Variants in RIPK4 observed in about 807,000 individuals in gnomAD.
The protein encoded by RIPK4 is receptor-interacting serine/threonine-protein kinase 4.
RIPK4 carries 17 observed loss-of-function variants against 42.9 expected under a neutral mutation model. That is an observed-to-expected ratio of 0.40 (90% CI 0.27 to 0.59). The LOEUF (loss-of-function observed/expected upper bound fraction) is 0.59, where lower values mean the gene tolerates loss of function less well. RIPK4 is among the 20% of genes least tolerant of loss of function. RIPK4 has a pLI of 0.47. For synonymous variants in RIPK4, 498 were observed against 499.1 expected, an observed-to-expected ratio of 1.00 and a Z score of 0.03; for missense variants, 897 against 1,104.4, an observed-to-expected ratio of 0.81 and a Z score of 2.66.
chr21:41,753,320 C>A (rs2061193911), intron 2 of RIPK4, among the ~76,000 whole-genome samples: 1 of 152,192 alleles, frequency 6.6e-6, no homozygotes, highest in Non-Finnish European at 1.5e-5. Flanking sequence ...GAGATCTCAG[C>A]CTGGTGCTTC....
chr21:41,753,453 C>T (rs1053909176), intron 2 of RIPK4, among the ~76,000 whole-genome samples: 7 of 152,176 alleles, frequency 4.6e-5, no homozygotes, highest in African/African-American at 1.7e-4. Context: ...AAAATGCAAG[C>T]TCGGAATTGA....
chr21:41,747,858 G>C (rs754971502), intron 4 of RIPK4, among the ~76,000 whole-genome samples: 2 of 152,136 alleles, frequency 1.3e-5, no homozygotes, highest in Non-Finnish European at 2.9e-5. Context: ...TTTTGCCTGA[G>C]GTTGCAATTT....
At position 41,766,854 on chromosome 21, in the gene RIPK4, G is replaced by T; in HGVS notation, c.182+6C>A. On this transcript the variant is annotated splice_donor_region_variant and intron_variant, in intron 1 of 7. Transcript: ENST00000332512. ...GCCGCCCCAGCGCCCCGCCCGGGCCGCTCACCTGTCGTCGACGTGCAGGCT... is the reference window on the plus strand; with the variant it reads ...GCCGCCCCAGCGCCCCGCCCGGGCCTCTCACCTGTCGTCGACGTGCAGGCT... 1 of 1,604,610 alleles carries T rather than the reference G, an allele frequency of 6.2e-7. No homozygotes were observed. The highest frequency in any genetic ancestry group is 8.5e-7 in the Non-Finnish European group (1 of 1,176,216).
chr21:41,764,690 C>T lies in RIPK4; in HGVS notation c.182+2170G>A, dbSNP rs573891637. Among the ~76,000 whole-genome samples, 44 of 152,326 alleles carry T rather than the reference C, an allele frequency of 2.9e-4. No individual in the cohort carries two copies. In the Middle Eastern group the frequency reaches 0.01, roughly 35 times the overall value. On this transcript the variant is annotated intron_variant, in intron 1 of 7. Coordinates refer to ENST00000332512, the MANE Select transcript of RIPK4 (RefSeq NM_020639.3). ...CCTTGTGAGACTGCAATGCAACCAG[C>T]TCCTGGAGCACAGTGGGACTGATGT...
At chr21:41,764,250 A>G (rs1443716861) in intron 1 of RIPK4, among the ~76,000 whole-genome samples, 1 of 152,210 alleles carries the variant, frequency 6.6e-6, no homozygotes, top group Non-Finnish European at 1.5e-5. Flanking sequence ...TGCTGTGGCC[A>G]AGGGCCGGCT....
chr21:41,749,278 G>T, intron 3 of RIPK4, 75 bp from the exon 4 acceptor site: 1 of 1,446,974 alleles, frequency 6.9e-7, no homozygotes, highest in Non-Finnish European at 9.7e-7. Flanking sequence ...CACAGCAACA[G>T]GCGTGAAGAC....
intron 3 of RIPK4, among the ~76,000 whole-genome samples, chr21:41,750,492 G>A (rs994474294): frequency 6.6e-6 from 1 of 152,106 alleles, no homozygotes; most frequent in Non-Finnish European, 1.5e-5. Flanking sequence ...AAAGCAGCAG[G>A]TTCTTCCAAC....
intron 1 of RIPK4, 59 bp downstream of exon 1, chr21:41,766,801 C>A (rs2061238557): frequency 1.8e-5 from 28 of 1,536,502 alleles, no homozygotes; most frequent in Non-Finnish European, 2.4e-5. Flanking sequence ...ACCAGAGCAC[C>A]CCGACCCCGA....
chr21:41,754,939 A>T (rs1418755462), intron 2 of RIPK4, among the ~76,000 whole-genome samples: 3 of 152,230 alleles, frequency 2.0e-5, no homozygotes, highest in Non-Finnish European at 4.4e-5. Context: ...AGCGAGAACC[A>T]GAGGCCACCG....
chr21:41,748,704 A>T (rs1317475172), intron 4 of RIPK4, among the ~76,000 whole-genome samples: 4 of 152,250 alleles, frequency 2.6e-5, no homozygotes, highest in African/African-American at 7.2e-5. Flanking sequence ...TTAGCTGGAA[A>T]TACCAGCACA....
At chr21:41,764,827 C>T (rs559977791) in intron 1 of RIPK4, among the ~76,000 whole-genome samples, 1 of 152,238 alleles carries the variant, frequency 6.6e-6, no homozygotes, top group Non-Finnish European at 1.5e-5. Flanking sequence ...GCCACTGCTG[C>T]ACATGGCAAA....
rs184814232 is a variant in RIPK4 at position 41,740,691 on chromosome 21, C to T, written c.*147G>A. On this transcript the variant is annotated 3_prime_UTR_variant, in exon 8 of 8. Transcript: ENST00000332512. ...AGGGGACACTCCGGTCAGCAGCAGC[C>T]GCCTCCTGATGGCACCATGTCACCT... is the stretch of plus-strand genomic sequence containing the variant. 6.0e-5 allele frequency: 48 copies of T among 797,322 alleles called. No individual in the cohort carries two copies. The Admixed American group carries it at 8.4e-4, about 14-fold the overall frequency. The allele number at this position is 797,322 out of a possible 1,614,324, so 49.4% of individuals were successfully genotyped here.
In RIPK4 at chr21:41,745,845, C is replaced by T. The variant is rs199835696; in HGVS notation, c.850G>A (p.Glu284Lys). ...TCATCAGGCTTTTCACACAGGTCCTCGGTTTCAGAAGTAATTTCTTGTGGG... is the reference window on the plus strand; with the variant it reads ...TCATCAGGCTTTTCACACAGGTCCTTGGTTTCAGAAGTAATTTCTTGTGGG... ...PTFQEITSET[E>K]DLCEKPDDEV... Residue 284 changes from glutamate to lysine, a missense_variant, in exon 6 of 8, where the codon GAG becomes AAG. Glu to Lys is a moderately conservative substitution (Grantham distance 56). Coordinates refer to ENST00000332512, the MANE Select transcript of RIPK4 (RefSeq NM_020639.3). 24 of 1,614,118 alleles carry T rather than the reference C, an allele frequency of 1.5e-5. No individual in the cohort carries two copies. Among genetic ancestry groups the T allele is most frequent in the Non-Finnish European group, 1.9e-5 (22 of 1,179,952 alleles).
At chr21:41,748,625 A>C (rs142602133) in intron 4 of RIPK4, among the ~76,000 whole-genome samples, 1 of 152,372 alleles carries the variant, frequency 6.6e-6, no homozygotes, top group Non-Finnish European at 1.5e-5. Context: ...TATGCTTCAC[A>C]CGGCTGACAT....
rs1358977431 is a variant in RIPK4 at position 41,742,154 on chromosome 21, TG to T, written c.1196-158del. Among the ~76,000 whole-genome samples, 1 of 152,080 alleles carries T rather than the reference TG, an allele frequency of 6.6e-6. No homozygotes were observed. The highest frequency in any genetic ancestry group is 2.4e-5 in the African/African-American group (1 of 41,412). Reference sequence around the variant, plus strand: ...GTGTTTGAGCGTTGTCTGTGCCTCGTGATTAAGGTCAGTCCTAGCGGGAGCC... The same window carrying T: ...GTGTTTGAGCGTTGTCTGTGCCTCGTATTAAGGTCAGTCCTAGCGGGAGCC... On this transcript the variant is annotated intron_variant, in intron 7 of 7. Coordinates refer to ENST00000332512, the MANE Select transcript of RIPK4 (RefSeq NM_020639.3). The surrounding 1 kb of genome is among the most constrained non-coding windows in gnomAD (Gnocchi z 5.1).
chr21:41,767,011 G>A lies in RIPK4; in HGVS notation c.31C>T (p.Leu11=), dbSNP rs1186804016. ...GCGTCGAAGGTGCGCAGCAGCGCCA[G>A]GGCCCATGGGGTCCCGCCGTCGCCC... MEGDGGTPWA[L]ALLRTFDAGE... The change falls in exon 1 of 8, where the codon CTG becomes TTG. Residue 11 remains leucine, a synonymous_variant. Coordinates refer to ENST00000332512, the MANE Select transcript of RIPK4 (RefSeq NM_020639.3). The surrounding 1 kb of genome is among the most constrained non-coding windows in gnomAD (Gnocchi z 4.0). 1 of 1,589,618 alleles carries A rather than the reference G, an allele frequency of 6.3e-7. No homozygotes were observed. The highest frequency in any genetic ancestry group is 8.5e-7 in the Non-Finnish European group (1 of 1,170,520).
intron 5 of RIPK4, chr21:41,746,283 G>A (rs2146048696): frequency 1.7e-6 from 1 of 585,026 alleles, no homozygotes. Flanking sequence ...GACGCCGCCG[G>A]CCACCGGCCA....
chr21:41,744,503 A>G (rs2146047163), intron 6 of RIPK4, among the ~76,000 whole-genome samples: 1 of 152,148 alleles, frequency 6.6e-6, no homozygotes, highest in Middle Eastern at 3.4e-3. Flanking sequence ...GGCCCCACCC[A>G]GCACGGAGAC....
At chr21:41,747,560 G>C (rs542354434) in intron 4 of RIPK4, among the ~76,000 whole-genome samples, 12 of 152,298 alleles carry the variant, frequency 7.9e-5, no homozygotes, top group African/African-American at 2.9e-4. Flanking sequence ...TCTTTGGAGA[G>C]GCCATGTGCC....
Sources: allele counts gnomAD v4.1 joint callset (sites outside exome capture counted in the v4.1 genomes callset), GRCh38; gene constraint gnomAD v4.1.1; non-coding constraint Gnocchi (gnomAD v3.1); transcripts MANE v1.5; gene names NCBI Gene and HGNC (gene_info 2026-07-23, HGNC 2026-07-21).